The following ADGRD1 variants were observed in gnomAD, a reference collection of about 807,000 sequenced individuals.
ADGRD1 encodes adhesion G protein-coupled receptor D1, also known as G-protein coupled receptor 133.
A neutral mutation model predicts 113.4 loss-of-function variants in ADGRD1; 77 were observed. The observed-to-expected ratio is 0.68, with a 90% CI of 0.57 to 0.82. The LOEUF (loss-of-function observed/expected upper bound fraction) is 0.82. ADGRD1 is among the 40% of genes least tolerant of loss of function. The pLI, the probability that ADGRD1 is intolerant of heterozygous loss-of-function variation, is 0.00. For synonymous variants in ADGRD1, 474 were observed against 475.0 expected, an observed-to-expected ratio of 1.00 and a Z score of 0.03; for missense variants, 1,036 against 1,139.1, an observed-to-expected ratio of 0.91 and a Z score of 1.30.
intron 13 of ADGRD1, among the ~76,000 whole-genome samples, chr12:131,059,484 CCATT>C (rs1884144705): frequency 6.6e-6 from 1 of 152,138 alleles, no homozygotes; most frequent in Non-Finnish European, 1.5e-5. Context: ...CCCAGCCCAT[CCATT>C]GAGATTTTGA....
chr12:130,992,274 TGACAG>T lies in ADGRD1; in HGVS notation c.849_853del (p.Thr284ArgfsTer25). On this transcript the variant is annotated frameshift_variant, in exon 8 of 25. Coordinates refer to ENST00000261654, the MANE Select transcript of ADGRD1 (RefSeq NM_198827.5). LOFTEE classifies it high-confidence loss of function. Reference sequence around the variant, plus strand: ...GCCTACCATCCCATCATAACCAACCTGACAGAAGAGAGAAAAACCTTCCAAAGTCC... The same window carrying T: ...GCCTACCATCCCATCATAACCAACCTAAGAGAGAAAAACCTTCCAAAGTCC... 1 of 1,613,830 alleles carries T rather than the reference TGACAG, an allele frequency of 6.2e-7. No homozygotes were observed. The highest frequency in any genetic ancestry group is 1.1e-5 in the South Asian group (1 of 91,024).
chr12:131,115,267 G>A (rs1240168449), intron 18 of ADGRD1, among the ~76,000 whole-genome samples: 8 of 152,232 alleles, frequency 5.3e-5, no homozygotes, highest in Non-Finnish European at 8.8e-5. Flanking sequence ...GCTATGTGAG[G>A]GAAGGGGTCA....
Position 130,963,212 on chromosome 12 carries a change from T to C in ADGRD1, c.104-3251T>C, listed in dbSNP as rs768004399. 1.4e-3 allele frequency among the ~76,000 whole-genome samples: 203 copies of C among 148,436 alleles called. 2 individuals are homozygous for C. The highest frequency in any genetic ancestry group is 1.6e-3 in the Non-Finnish European group (109 of 67,542). On this transcript the variant is annotated intron_variant, in intron 2 of 24. Coordinates refer to ENST00000261654, the MANE Select transcript of ADGRD1 (RefSeq NM_198827.5). ...GCGGGCGCCTGTAGTCCCAGCTACT[T>C]GGGAAGCTGAGGCAGGAGAATGGCG...
At position 131,000,434 on chromosome 12, in the gene ADGRD1, C is replaced by T; in HGVS notation, c.1018C>T (p.Leu340=). The T allele has an allele frequency of 6.2e-7, 1 of 1,612,096 alleles. No individual in the cohort carries two copies. Among genetic ancestry groups the T allele is most frequent in the South Asian group, 1.1e-5 (1 of 90,990 alleles). The part of the protein sequence containing the change: ...EILLLPGWIA[L]SEDSAVVLSL... ...CCTTCTACTGCCTGGTTGGATTGCT[C>T]TGTCAGAGGTAAGAGAAAAGAACAT... The change falls in exon 9 of 25, where the codon CTG becomes TTG. Residue 340 remains leucine, a synonymous_variant. Coordinates refer to ENST00000261654, the MANE Select transcript of ADGRD1 (RefSeq NM_198827.5).
intron 15 of ADGRD1, chr12:131,092,111 G>A (rs34255965): frequency 0.085 from 12,997 of 152,350 alleles, 712 homozygotes; most frequent in Non-Finnish European, 0.12. Flanking sequence ...GCAGGTAGGT[G>A]GGAGCTCAAC....
intron 15 of ADGRD1, among the ~76,000 whole-genome samples, chr12:131,093,091 A>G (rs998178172): frequency 1.3e-5 from 2 of 150,968 alleles, no homozygotes; most frequent in African/African-American, 4.9e-5. Context: ...CTTTTAGGAG[A>G]CAGTGAAATG....
chr12:131,080,674 G>A (rs1885996562), intron 14 of ADGRD1, among the ~76,000 whole-genome samples: 1 of 152,138 alleles, frequency 6.6e-6, no homozygotes, highest in South Asian at 2.1e-4. Flanking sequence ...AGGCTGGAGT[G>A]CAGTGGCATG....
At chr12:130,976,674 G>T (rs553181478) in intron 4 of ADGRD1, 2 of 152,102 alleles carry the variant, frequency 1.3e-5, no homozygotes, top group Non-Finnish European at 2.9e-5. Context: ...AGCCCACGAG[G>T]TTTCCAGAAA....
chr12:131,113,865 C>T lies in ADGRD1; in HGVS notation c.2042-4520C>T, dbSNP rs867089120. On this transcript the variant is annotated intron_variant, in intron 18 of 24. Transcript: ENST00000261654. The surrounding 1 kb of genome is among the most constrained non-coding windows in gnomAD (Gnocchi z 4.9). ...TGACGCCCCAGAGAGGAGAGCTGCT[C>T]CTTCTGATGATATCTGACCTCATCA... Among the ~76,000 whole-genome samples, 3 of 152,222 alleles carry T rather than the reference C, an allele frequency of 2.0e-5. No individual in the cohort carries two copies. Among genetic ancestry groups the T allele is most frequent in the African/African-American group, 7.2e-5 (3 of 41,458 alleles).
intron 15 of ADGRD1, chr12:131,091,840 G>A (rs1366248172): frequency 1.3e-5 from 2 of 152,272 alleles, no homozygotes; most frequent in African/African-American, 4.8e-5. Flanking sequence ...AGTAAAGTCA[G>A]CCTGCTGGCA....
chr12:131,000,517 G>C, intron 9 of ADGRD1, 75 bp downstream of exon 9: 3 of 1,169,366 alleles, frequency 2.6e-6, no homozygotes, highest in Non-Finnish European at 1.3e-6. Flanking sequence ...CAAGGCGGGT[G>C]GATCACTTGA....
chr12:130,994,893 G>A (rs1016123050), intron 8 of ADGRD1, among the ~76,000 whole-genome samples: 3 of 152,232 alleles, frequency 2.0e-5, no homozygotes, highest in Non-Finnish European at 2.9e-5. Flanking sequence ...AAAGCTGCCT[G>A]TGGGATGCTG....
chr12:131,023,620 G>C (rs1270757419), intron 13 of ADGRD1: 1 of 152,222 alleles, frequency 6.6e-6, no homozygotes, highest in Non-Finnish European at 1.5e-5. Flanking sequence ...CCCATCCGCA[G>C]AGGCCTTCCA....
intron 13 of ADGRD1, among the ~76,000 whole-genome samples, chr12:131,036,625 AGGCCTCACTCACTGCACGG>A (rs371095407): frequency 0.026 from 2,748 of 104,260 alleles, 112 homozygotes; most frequent in African/African-American, 0.091. Context: ...TCACCGCACC[AGGCCTCACTCACTGCACGG>A]GGCCTCACTC....
rs1177451770 is a variant in ADGRD1, at chr12:130,971,647, G to A, written c.310+67G>A. 5 of 1,508,820 alleles carry A rather than the reference G, an allele frequency of 3.3e-6. No individual in the cohort carries two copies. The African/African-American group carries it at 5.6e-5, about 17-fold the overall frequency. The allele number at this position is 1,508,820 out of a possible 1,614,324, so 93.5% of individuals were successfully genotyped here. ...TTCTCAGGGAGCACCTGCTCCTCTG[G>A]TGACTGGAAGATGTGAACCTGAGGT... is the stretch of plus-strand genomic sequence containing the variant. On this transcript the variant is annotated intron_variant, in intron 4 of 24. Transcript: ENST00000261654. The surrounding 1 kb of genome is among the most constrained non-coding windows in gnomAD (Gnocchi z 4.2).
intron 2 of ADGRD1, among the ~76,000 whole-genome samples, chr12:130,959,775 T>C (rs1013846314): frequency 1.3e-5 from 2 of 152,180 alleles, no homozygotes; most frequent in African/African-American, 2.4e-5. Flanking sequence ...TAGAGAGGTG[T>C]TTCATTTTGT....
At chr12:131,129,827 C>T (rs1950865732) in intron 20 of ADGRD1, among the ~76,000 whole-genome samples, 1 of 152,364 alleles carries the variant, frequency 6.6e-6, no homozygotes, top group South Asian at 2.1e-4. Flanking sequence ...ACTTGGGGCA[C>T]CTTCCATCTC....
intron 8 of ADGRD1, among the ~76,000 whole-genome samples, chr12:130,997,003 C>T (rs368731179): frequency 0.31 from 35,203 of 113,448 alleles, 6,645 homozygotes; most frequent in African/African-American, 0.39. Flanking sequence ...GCTGGCCAGG[C>T]GGGGGGCTGA....
chr12:131,119,484 G>A (rs1950541457), intron 19 of ADGRD1, among the ~76,000 whole-genome samples: 1 of 152,202 alleles, frequency 6.6e-6, no homozygotes, highest in African/African-American at 2.4e-5. Context: ...TATCCCATCT[G>A]GAGCTTGGGG....
Sources: gnomAD v4.1 joint callset for allele counts (sites outside exome capture counted in the v4.1 genomes callset) on GRCh38, gnomAD v4.1.1 for gene constraint, Gnocchi (gnomAD v3.1) non-coding constraint, MANE v1.5 for transcripts, NCBI Gene and HGNC (gene_info 2026-07-23, HGNC 2026-07-21) for gene names.